The following MUSK variants were observed in gnomAD, a reference collection of about 807,000 sequenced individuals.
The protein encoded by MUSK is muscle associated receptor tyrosine kinase, also known as muscle, skeletal receptor tyrosine-protein kinase.
Under a neutral mutation model 88.7 loss-of-function variants are expected in MUSK, and 55 were observed. The ratio of observed to expected loss-of-function variants is 0.62; its 90% CI spans 0.50 to 0.78. The LOEUF (loss-of-function observed/expected upper bound fraction) is 0.78, where lower values mean the gene tolerates loss of function less well. Among genes scored for constraint, MUSK ranks in the 30% least tolerant of loss-of-function variants. The probability of loss-of-function intolerance (pLI) is 0.00; values close to 1 mark genes in which losing one functional copy is unlikely to be tolerated. For missense variants in MUSK, 1,015 were observed against 1,074.3 expected, an observed-to-expected ratio of 0.94 and a Z score of 0.77; for synonymous variants, 387 against 391.9, an observed-to-expected ratio of 0.99 and a Z score of 0.15.
intron 1 of MUSK, among the ~76,000 whole-genome samples, chr9:110,671,900 C>G (rs1038096573): frequency 6.6e-6 from 1 of 152,126 alleles, no homozygotes; most frequent in African/African-American, 2.4e-5. Flanking sequence ...TTTCAAAACA[C>G]CCGACTTACT....
rs1329670157 is a variant in MUSK, at chr9:110,775,968, C to CA, written c.1360+6dup. ...GTGCCAGACTGCCACATCTAGGTAACACAGAGTTCTCCCAAGACTTTGGAG... is the reference window on the plus strand; with the variant it reads ...GTGCCAGACTGCCACATCTAGGTAACAACAGAGTTCTCCCAAGACTTTGGAG... On this transcript the variant is annotated splice_donor_region_variant and intron_variant, in intron 10 of 14. Coordinates refer to ENST00000374448, the MANE Select transcript of MUSK (RefSeq NM_005592.4). 3.1e-6 allele frequency: 5 copies of CA among 1,603,966 alleles called. No homozygotes were observed. In the Admixed American group the frequency reaches 6.8e-5, roughly 22 times the overall value.
At position 110,800,400 on chromosome 9, in the gene MUSK, C is replaced by T. The variant is rs772683882; in HGVS notation, c.2022C>T (p.Thr674=). The T allele has an allele frequency of 5.6e-6, 9 of 1,613,852 alleles. No individual in the cohort carries two copies. Among genetic ancestry groups the T allele is most frequent in the Middle Eastern group, 1.6e-4 (1 of 6,062 alleles). The stretch of plus-strand genomic sequence containing the variant: ...TCCTCCGCAGCATGTCCCCTCACAC[C>T]GTGTGCAGCCTCAGTCACAGTGACT... ...NEFLRSMSPH[T]VCSLSHSDLS... Residue 674 remains threonine (T), a synonymous_variant, in exon 15 of 15, where the codon ACC becomes ACT. Coordinates refer to ENST00000374448, the MANE Select transcript of MUSK (RefSeq NM_005592.4).
At chr9:110,722,122 C>G (rs112598729) in intron 5 of MUSK, among the ~76,000 whole-genome samples, 1 of 152,100 alleles carries the variant, frequency 6.6e-6, no homozygotes. Flanking sequence ...AATTGAAGAC[C>G]TGGAACCATA....
At chr9:110,779,292 C>T (rs2077717432) in intron 11 of MUSK, among the ~76,000 whole-genome samples, 1 of 152,022 alleles carries the variant, frequency 6.6e-6, no homozygotes, top group Non-Finnish European at 1.5e-5. Context: ...TTTCTCAATT[C>T]CTTTGTAGAA....
intron 5 of MUSK, 35 bp downstream of exon 5, chr9:110,697,501 C>T: frequency 6.3e-7 from 1 of 1,593,382 alleles, no homozygotes; most frequent in Non-Finnish European, 8.6e-7. Context: ...GACTGTGTGA[C>T]CAGGGGCCTC....
At chr9:110,689,718 T>TTGTTATATATAAATATATAACTATATATA (rs370720549) in intron 3 of MUSK, among the ~76,000 whole-genome samples, 1 of 51,662 alleles carries the variant, frequency 1.9e-5, no homozygotes, top group Non-Finnish European at 2.9e-5. Flanking sequence ...TAACTATATA[T>TTGTTATATATAAATATATAACTATATATA]GTTATATATA....
At chr9:110,787,558 C>T (rs2077894401) in intron 13 of MUSK, 132 bp from the exon 14 acceptor site, 1 of 749,198 alleles carries the variant, frequency 1.3e-6, no homozygotes, top group African/African-American at 1.8e-5. Flanking sequence ...TTCTGTGGCT[C>T]TGGGAAAGGC....
rs1426072152 is a variant in MUSK at position 110,803,915 on chromosome 9, G to A, written c.*2927G>A. Among the ~76,000 whole-genome samples, 1 of 152,058 alleles carries A rather than the reference G, an allele frequency of 6.6e-6. No homozygotes were observed. The highest frequency in any genetic ancestry group is 1.5e-5 in the Non-Finnish European group (1 of 68,000). On this transcript the variant is annotated 3_prime_UTR_variant, in exon 15 of 15. Transcript: ENST00000374448. ...ACTCACAGTGTCACTGTTACCAAGT[G>A]CCAGGACAGATATCAGTAAGGCACC... is the stretch of plus-strand genomic sequence containing the variant.
intron 1 of MUSK, among the ~76,000 whole-genome samples, chr9:110,675,317 G>T (rs984942755): frequency 2.7e-5 from 4 of 146,854 alleles, no homozygotes; most frequent in African/African-American, 1.0e-4. Flanking sequence ...CGCCTCCCTG[G>T]TTCACGCCAT....
intron 2 of MUSK, among the ~76,000 whole-genome samples, chr9:110,683,542 T>C (rs1014831458): frequency 1.3e-5 from 2 of 152,154 alleles, no homozygotes; most frequent in Non-Finnish European, 2.9e-5. Context: ...TTTAGTTTTT[T>C]GAGGAAACTT....
intron 7 of MUSK, among the ~76,000 whole-genome samples, chr9:110,758,682 G>T (rs1035902224): frequency 2.6e-5 from 4 of 152,128 alleles, no homozygotes; most frequent in African/African-American, 9.7e-5. Flanking sequence ...CATAGTCTCT[G>T]CCCAAAAGCT....
chr9:110,785,745 T>A (rs767871634), intron 13 of MUSK, 27 bp downstream of exon 13: 15 of 1,533,638 alleles, frequency 9.8e-6, no homozygotes, highest in Non-Finnish European at 1.3e-5. Flanking sequence ...AAAAAAAAAC[T>A]CCATTGAAAT....
chr9:110,798,033 C>T (rs1400553959), intron 14 of MUSK, among the ~76,000 whole-genome samples: 2 of 152,090 alleles, frequency 1.3e-5, no homozygotes, highest in African/African-American at 2.4e-5. Flanking sequence ...CTTATGTTGC[C>T]GTTTGTTAAA....
rs1260237719 is a variant in MUSK at position 110,787,642 on chromosome 9, A to G, written c.1779-48A>G. ...TATAAATGTGGGTAGGTATAAAGAT[A>G]TGATGTCCATGATCTTTGGTTTCTT... On this transcript the variant is annotated intron_variant, in intron 13 of 14. Coordinates refer to ENST00000374448, the MANE Select transcript of MUSK (RefSeq NM_005592.4). 3 of 1,583,358 alleles carry G rather than the reference A, an allele frequency of 1.9e-6. No individual in the cohort carries two copies. The South Asian group carries it at 3.4e-5, about 18-fold the overall frequency.
chr9:110,710,960 G>C (rs1017990669), intron 5 of MUSK, among the ~76,000 whole-genome samples: 1 of 152,120 alleles, frequency 6.6e-6, no homozygotes, highest in South Asian at 2.1e-4. Context: ...GGACATAGAT[G>C]AAGCTGGAAA....
intron 5 of MUSK, among the ~76,000 whole-genome samples, chr9:110,720,296 A>G (rs1054693318): frequency 6.6e-6 from 1 of 152,070 alleles, no homozygotes; most frequent in African/African-American, 2.4e-5. Context: ...GATAAATGAA[A>G]CAAAAAGCTG....
At chr9:110,763,516 A>T (rs958139430) in intron 8 of MUSK, among the ~76,000 whole-genome samples, 2 of 152,320 alleles carry the variant, frequency 1.3e-5, no homozygotes, top group African/African-American at 4.8e-5. Context: ...TTGGAGAATA[A>T]ATTATATACA....
At position 110,747,734 on chromosome 9, in the gene MUSK, A is replaced by G. The variant is rs765924399; in HGVS notation, c.847A>G (p.Ile283Val). The G allele has an allele frequency of 1.9e-6, 3 of 1,613,866 alleles. No homozygotes were observed. Among genetic ancestry groups the G allele is most frequent in the South Asian group, 1.1e-5 (1 of 91,072 alleles). The change falls in exon 7 of 15, where the codon ATA becomes GTA. Residue 283 changes from isoleucine to valine, a missense_variant. By Grantham distance (29) the Ile-to-Val change is conservative. Coordinates refer to ENST00000374448, the MANE Select transcript of MUSK (RefSeq NM_005592.4). The stretch of plus-strand genomic sequence containing the variant: ...CACCAAGCCAGGACTCTACACATGC[A>G]TAGCTACCAATAAGCATGGGGAGAA... ...FITKPGLYTC[I>V]ATNKHGEKFS... is the part of the protein sequence containing the mutation.
At chr9:110,714,773 A>C (rs2076724159) in intron 5 of MUSK, among the ~76,000 whole-genome samples, 1 of 152,186 alleles carries the variant, frequency 6.6e-6, no homozygotes, top group East Asian at 1.9e-4. Context: ...CGTGTTTTTT[A>C]AGTCAAATAT....
Sources: gnomAD v4.1 joint callset for allele counts (sites outside exome capture counted in the v4.1 genomes callset) on GRCh38, gnomAD v4.1.1 for gene constraint, MANE v1.5 for transcripts, NCBI Gene and HGNC (gene_info 2026-07-23, HGNC 2026-07-21) for gene names.